Variants in NKAIN3 observed in about 807,000 individuals in gnomAD.
NKAIN3 encodes sodium/potassium transporting ATPase interacting 3.
NKAIN3 carries 25 observed loss-of-function variants against 30.2 expected under a neutral mutation model. That is an observed-to-expected ratio of 0.83 (90% CI 0.60 to 1.16). NKAIN3 has a LOEUF of 1.16. Ranked by LOEUF, NKAIN3 falls within the 50% of genes most tolerant of loss-of-function variation. The pLI, the probability that NKAIN3 is intolerant of heterozygous loss-of-function variation, is 0.00. For missense variants in NKAIN3, 225 were observed against 254.1 expected, an observed-to-expected ratio of 0.89 and a Z score of 0.78; for synonymous variants, 91 against 89.6, an observed-to-expected ratio of 1.02 and a Z score of -0.09.
chr8:62,725,183 G>A (rs149099552), intron 3 of NKAIN3, among the ~76,000 whole-genome samples: 88 of 152,036 alleles, frequency 5.8e-4, no homozygotes, highest in African/African-American at 2.0e-3. Flanking sequence ...GTCTTCTTTT[G>A]AAAAAATATC....
At chr8:62,813,677 T>C (rs530589394) in intron 4 of NKAIN3, among the ~76,000 whole-genome samples, 125 of 152,062 alleles carry the variant, frequency 8.2e-4, no homozygotes, top group African/African-American at 2.9e-3. Flanking sequence ...TTTGTGTTTG[T>C]GATTTGGTGC....
At chr8:62,752,538 T>C (rs1488913532) in intron 4 of NKAIN3, among the ~76,000 whole-genome samples, 1 of 152,164 alleles carries the variant, frequency 6.6e-6, no homozygotes, top group Non-Finnish European at 1.5e-5. Flanking sequence ...CCAGAATTCT[T>C]TCCTACCTGT....
intron 3 of NKAIN3, among the ~76,000 whole-genome samples, chr8:62,604,075 A>G (rs2130159358): frequency 6.6e-6 from 1 of 152,214 alleles, no homozygotes. Context: ...GAACTGCCCA[A>G]GGAAGAGAGT....
intron 4 of NKAIN3, among the ~76,000 whole-genome samples, chr8:62,887,861 T>C (rs1821194182): frequency 6.6e-6 from 1 of 152,210 alleles, no homozygotes; most frequent in South Asian, 2.1e-4. Flanking sequence ...ATTCCAACAT[T>C]CATGCCATTT....
At chr8:62,330,963 A>G (rs1014184900) in intron 1 of NKAIN3, among the ~76,000 whole-genome samples, 1 of 150,844 alleles carries the variant, frequency 6.6e-6, no homozygotes, top group East Asian at 2.0e-4. Context: ...GATGCAAATC[A>G]TTTTTCTCTA....
At chr8:62,904,344 G>C (rs557376672) in intron 4 of NKAIN3, among the ~76,000 whole-genome samples, 2 of 152,328 alleles carry the variant, frequency 1.3e-5, no homozygotes, top group African/African-American at 4.8e-5. Context: ...TATCTTTCAA[G>C]TGTTTGGTTT....
At chr8:62,916,329 T>A (rs896490575) in intron 4 of NKAIN3, among the ~76,000 whole-genome samples, 2 of 152,174 alleles carry the variant, frequency 1.3e-5, no homozygotes, top group African/African-American at 4.8e-5. Context: ...TAATTAAGCT[T>A]ATGAAGAGTA....
chr8:62,950,729 A>G (rs1220230185), intron 5 of NKAIN3, among the ~76,000 whole-genome samples: 5 of 152,192 alleles, frequency 3.3e-5, no homozygotes, highest in African/African-American at 1.2e-4. Flanking sequence ...TGCAGGAACC[A>G]GATGTCCTAA....
At chr8:62,688,203 T>C (rs1032311207) in intron 3 of NKAIN3, among the ~76,000 whole-genome samples, 9 of 152,218 alleles carry the variant, frequency 5.9e-5, no homozygotes, top group African/African-American at 2.2e-4. Context: ...CATTCTTATA[T>C]TGAGTAAGCA....
chr8:62,662,571 T>C (rs1355661287), intron 3 of NKAIN3, among the ~76,000 whole-genome samples: 2 of 152,246 alleles, frequency 1.3e-5, no homozygotes, highest in African/African-American at 4.8e-5. Context: ...ATCTTTTGAA[T>C]CATTCTTCCA....
At position 62,855,862 on chromosome 8, in the gene NKAIN3, C is replaced by T. The variant is rs1283769974; in HGVS notation, c.472-62591C>T. 5.1e-6 allele frequency: 4 copies of T among 778,330 alleles called. No individual in the cohort carries two copies. In the East Asian group the frequency reaches 9.7e-5, roughly 19 times the overall value. The allele number at this position is 778,330 out of a possible 1,614,324, so 48.2% of individuals were successfully genotyped here. On this transcript the variant is annotated intron_variant, in intron 4 of 6. Transcript: ENST00000623646. ...AATTTCTGGTCATCCAACTCCTCTT[C>T]CTGTGGCACCAAAGCCACAAAATAA...
intron 4 of NKAIN3, among the ~76,000 whole-genome samples, chr8:62,895,579 G>A (rs970082980): frequency 1.3e-5 from 2 of 152,200 alleles, no homozygotes; most frequent in Non-Finnish European, 2.9e-5. Flanking sequence ...AGCAAAGCTT[G>A]AGAGTCTGTT....
chr8:62,579,700 G>T (rs1406180837), intron 2 of NKAIN3, 24 bp downstream of exon 2: 1 of 1,361,618 alleles, frequency 7.3e-7, no homozygotes. Flanking sequence ...TTATCATTTT[G>T]CTTCATATAA....
At chr8:62,324,668 G>A (rs1443879454) in intron 1 of NKAIN3, among the ~76,000 whole-genome samples, 1 of 152,080 alleles carries the variant, frequency 6.6e-6, no homozygotes, top group African/African-American at 2.4e-5. Context: ...GCCAGGAAAA[G>A]CAGAAAGAAC....
intron 1 of NKAIN3, among the ~76,000 whole-genome samples, chr8:62,249,928 C>A (rs190768553): frequency 6.6e-6 from 1 of 152,192 alleles, no homozygotes; most frequent in African/African-American, 2.4e-5. Context: ...TGGACTGGCT[C>A]TGTGGTCTAT....
chr8:62,901,207 A>C (rs11992351), intron 4 of NKAIN3, among the ~76,000 whole-genome samples: 117,960 of 152,050 alleles, frequency 0.78, 46,655 homozygotes, highest in East Asian at 0.98. Context: ...ACCCTTGATC[A>C]TGGAGTGGAT....
rs1034921621 is a variant in NKAIN3 at position 62,815,646 on chromosome 8, A to G, written c.471+68517A>G. On this transcript the variant is annotated intron_variant, in intron 4 of 6. Coordinates refer to ENST00000623646, the MANE Select transcript of NKAIN3 (RefSeq NM_001304533.3). Reference sequence around the variant, plus strand: ...ACATGATTATCTCAATAGATGCAGAAAAGGCCTTTGACAACATTCAAAAAC... The same window carrying G: ...ACATGATTATCTCAATAGATGCAGAGAAGGCCTTTGACAACATTCAAAAAC... Among the ~76,000 whole-genome samples the G allele has an allele frequency of 1.6e-4, 24 of 152,198 alleles. 1 individual carries two copies. The highest frequency in any genetic ancestry group is 3.1e-4 in the African/African-American group (13 of 41,434).
At chr8:62,684,632 A>G (rs1036895240) in intron 3 of NKAIN3, among the ~76,000 whole-genome samples, 1 of 152,218 alleles carries the variant, frequency 6.6e-6, no homozygotes, top group African/African-American at 2.4e-5. Flanking sequence ...AATTAGGGTT[A>G]TGGGCTGAAT....
intron 5 of NKAIN3, among the ~76,000 whole-genome samples, chr8:62,919,450 T>G (rs1338817316): frequency 6.6e-6 from 1 of 151,876 alleles, no homozygotes. Flanking sequence ...TTTCACCGTG[T>G]TAGCCAGGAT....
Sources: allele counts gnomAD v4.1 joint callset (sites outside exome capture counted in the v4.1 genomes callset), GRCh38; gene constraint gnomAD v4.1.1; transcripts MANE v1.5; gene names NCBI Gene and HGNC (gene_info 2026-07-23, HGNC 2026-07-21).